Variants in TMTC1 observed in about 807,000 individuals in gnomAD.
The protein encoded by TMTC1 is transmembrane O-mannosyltransferase targeting cadherins 1.
Under a neutral mutation model 104.8 loss-of-function variants are expected in TMTC1, and 73 were observed. The observed-to-expected ratio is 0.70, with a 90% CI of 0.58 to 0.85. TMTC1 has a LOEUF of 0.85. TMTC1 is among the 40% of genes least tolerant of loss of function. The pLI is 0.00. For missense variants in TMTC1, 1,035 were observed against 1,096.1 expected, an observed-to-expected ratio of 0.94 and a Z score of 0.79; for synonymous variants, 434 against 428.7, an observed-to-expected ratio of 1.01 and a Z score of -0.15.
chr12:29,613,937 G>A (rs1180448471), intron 6 of TMTC1: 1 of 981,668 alleles, frequency 1.0e-6, no homozygotes, highest in Non-Finnish European at 1.2e-6. Context: ...CTATCCACTT[G>A]GAATTGTCAT....
Position 29,559,622 on chromosome 12 carries a change from G to C in TMTC1, c.1533-2622C>G, listed in dbSNP as rs1309309352. On this transcript the variant is annotated intron_variant, in intron 9 of 17. Coordinates refer to ENST00000539277, the MANE Select transcript of TMTC1 (RefSeq NM_001193451.2). ...TGCAGAAACGTGATGCTCAGGAGGA[G>C]GGACCAATTATAGTCCGGGAAGAGG... 4.6e-5 allele frequency among the ~76,000 whole-genome samples: 7 copies of C among 152,314 alleles called. No homozygotes were observed. In the East Asian group the frequency reaches 7.7e-4, roughly 17 times the overall value.
intron 5 of TMTC1, among the ~76,000 whole-genome samples, chr12:29,635,809 C>A (rs1231512495): frequency 6.6e-6 from 1 of 152,136 alleles, no homozygotes; most frequent in Non-Finnish European, 1.5e-5. Context: ...CTGTGGGAAA[C>A]AAAGGGCCCA....
intron 6 of TMTC1, among the ~76,000 whole-genome samples, 200 bp downstream of exon 6, chr12:29,632,947 C>A (rs1379301139): frequency 6.6e-6 from 1 of 152,098 alleles, no homozygotes; most frequent in Non-Finnish European, 1.5e-5. Flanking sequence ...CATTAAGCTT[C>A]AGTTTCAATA....
chr12:29,659,838 A>G (rs2136637520), intron 5 of TMTC1: 2 of 1,424,904 alleles, frequency 1.4e-6, no homozygotes, highest in East Asian at 2.5e-5. Flanking sequence ...ACTCAAAATT[A>G]TCTAATAAAT....
At chr12:29,627,487 T>C (rs552505398) in intron 6 of TMTC1, among the ~76,000 whole-genome samples, 1 of 152,210 alleles carries the variant, frequency 6.6e-6, no homozygotes, top group Non-Finnish European at 1.5e-5. Context: ...TGTAGAGAAA[T>C]AGGAGCTCTT....
chr12:29,664,055 C>T lies in TMTC1; in HGVS notation c.939-30719G>A, dbSNP rs766597697. ...ACAAAAAATTAGCCGGGCGTAGTGG[C>T]GGGCGCCTGTAGTCCCAGCTACTTG... On this transcript the variant is annotated intron_variant, in intron 5 of 17. Transcript: ENST00000539277. 7.3e-4 allele frequency among the ~76,000 whole-genome samples: 110 copies of T among 150,402 alleles called. 1 individual carries two copies. The South Asian group carries it at 0.021, about 29-fold the overall frequency.
At chr12:29,681,571 T>C (rs1172295504) in intron 5 of TMTC1, among the ~76,000 whole-genome samples, 1 of 152,122 alleles carries the variant, frequency 6.6e-6, no homozygotes, top group Non-Finnish European at 1.5e-5. Flanking sequence ...GCTGTGAACT[T>C]ACAGGAAATT....
chr12:29,651,058 C>T (rs1222425377), intron 5 of TMTC1, among the ~76,000 whole-genome samples: 2 of 152,166 alleles, frequency 1.3e-5, no homozygotes, highest in East Asian at 3.8e-4. Context: ...GCTTTCCAGC[C>T]CCTTTGCATT....
chr12:29,612,553 A>C (rs758762685), intron 6 of TMTC1, among the ~76,000 whole-genome samples: 25 of 152,126 alleles, frequency 1.6e-4, no homozygotes, highest in Non-Finnish European at 2.9e-4. Flanking sequence ...TTGGGATTAC[A>C]GACATGTGCC....
At chr12:29,550,097 A>T (rs1169014332) in intron 10 of TMTC1, among the ~76,000 whole-genome samples, 1 of 152,100 alleles carries the variant, frequency 6.6e-6, no homozygotes, top group Non-Finnish European at 1.5e-5. Flanking sequence ...TTAATTGGGG[A>T]GAAAGCTGAT....
At chr12:29,766,421 G>T (rs1454462295) in intron 2 of TMTC1, among the ~76,000 whole-genome samples, 1 of 152,136 alleles carries the variant, frequency 6.6e-6, no homozygotes, top group East Asian at 1.9e-4. Context: ...AGCAACACAG[G>T]CCACCATACC....
Position 29,767,901 on chromosome 12 carries a change from C to G in TMTC1, c.477G>C (p.Glu159Asp), listed in dbSNP as rs746800047. 2 of 1,613,378 alleles carry G rather than the reference C, an allele frequency of 1.2e-6. No homozygotes were observed. The highest frequency in any genetic ancestry group is 3.3e-5 in the Admixed American group (2 of 59,928). Residue 159 changes from glutamate to aspartate, a missense_variant, in exon 2 of 18, where the codon GAG becomes GAC. Transcript: ENST00000539277. ...LLFAVHPIHT[E>D]AVAGIVGRAD... ...ACTGAGATCCAATTACACTTACCGC[C>G]TCAGTATGAATAGGATGTACAGCAA... is the stretch of plus-strand genomic sequence containing the variant.
rs1403646713 is a variant in TMTC1 at position 29,514,535 on chromosome 12, A to G, written c.2377T>C (p.Phe793Leu). 6.2e-7 allele frequency: 1 copy of G among 1,614,122 alleles called. No individual in the cohort carries two copies. The highest frequency in any genetic ancestry group is 1.7e-5 in the Admixed American group (1 of 60,008). The stretch of plus-strand genomic sequence containing the variant: ...TCTCTTAATTGGTTTCCTTTTGTGA[A>G]AAAAAGTTCAGAAATGACTTTTGGG... ...KDPKVISELF[F>L]TKGNQLREQN... Residue 793 changes from phenylalanine to leucine, a missense_variant, in exon 16 of 18, where the codon TTC becomes CTC. Physicochemically the swap from Phe to Leu is conservative, Grantham distance 22 (BLOSUM62 0). Transcript: ENST00000539277.
chr12:29,592,070 C>A (rs1235146138), intron 7 of TMTC1, among the ~76,000 whole-genome samples: 1 of 152,178 alleles, frequency 6.6e-6, no homozygotes, highest in Non-Finnish European at 1.5e-5. Context: ...TATCTTTCTG[C>A]TATAAGTAGA....
chr12:29,666,424 G>A (rs1050028080), intron 5 of TMTC1, among the ~76,000 whole-genome samples: 5 of 151,578 alleles, frequency 3.3e-5, no homozygotes, highest in African/African-American at 7.3e-5. Flanking sequence ...TAGTAGAGAC[G>A]GGGTTTCACT....
intron 5 of TMTC1, among the ~76,000 whole-genome samples, chr12:29,735,389 A>C (rs540275210): frequency 1.3e-5 from 2 of 152,324 alleles, no homozygotes; most frequent in South Asian, 4.2e-4. Flanking sequence ...CAAAATGCAG[A>C]TAAGAATGGC....
chr12:29,551,999 A>G (rs1945118345), intron 10 of TMTC1, among the ~76,000 whole-genome samples: 1 of 152,200 alleles, frequency 6.6e-6, no homozygotes, highest in Non-Finnish European at 1.5e-5. Context: ...GTCTGCTGCT[A>G]TGAATGGGTC....
chr12:29,625,431 T>C (rs939803477), intron 6 of TMTC1, among the ~76,000 whole-genome samples: 1 of 152,156 alleles, frequency 6.6e-6, no homozygotes, highest in East Asian at 1.9e-4. Flanking sequence ...CACAAAAACA[T>C]GAGCAAAGCT....
chr12:29,683,165 G>A (rs73271766), intron 5 of TMTC1, among the ~76,000 whole-genome samples: 1,541 of 152,272 alleles, frequency 0.01, 35 homozygotes, highest in African/African-American at 0.035. Flanking sequence ...TTCAACATCT[G>A]CAGCTGGAGA....
Sources: gnomAD v4.1 joint callset for allele counts (sites outside exome capture counted in the v4.1 genomes callset) on GRCh38, gnomAD v4.1.1 for gene constraint, MANE v1.5 for transcripts, NCBI Gene and HGNC (gene_info 2026-07-23, HGNC 2026-07-21) for gene names.